Variants in FAM240A observed in about 807,000 individuals in gnomAD.
FAM240A encodes the protein family with sequence similarity 240 member A, also known as protein FAM240A.
Under a neutral mutation model 7.3 loss-of-function variants are expected in FAM240A, and 8 were observed. That is an observed-to-expected ratio of 1.09 (90% CI 0.64 to 1.97). The LOEUF is 1.97. Ranked by LOEUF, FAM240A falls within the 30% of genes most tolerant of loss-of-function variation. The probability of loss-of-function intolerance (pLI) is 0.00; values close to 1 mark genes in which losing one functional copy is unlikely to be tolerated. For missense variants in FAM240A, 90 were observed against 102.2 expected (o/e 0.88, Z 0.52); for synonymous variants, 32 against 35.9 (o/e 0.89, Z 0.38).
At chr3:46,616,542 C>T (rs1040344809) in intron 1 of FAM240A, among the ~76,000 whole-genome samples, 6 of 152,050 alleles carry the variant, frequency 3.9e-5, no homozygotes, top group Non-Finnish European at 8.8e-5. Context: ...TTTATAAACC[C>T]GTGGCTTAGC....
chr3:46,616,055 A>T (rs559121174), intron 1 of FAM240A, among the ~76,000 whole-genome samples: 1 of 152,244 alleles, frequency 6.6e-6, no homozygotes, highest in Non-Finnish European at 1.5e-5. Flanking sequence ...ACTTAGGTGC[A>T]CAAAATTCCT....
intron 2 of FAM240A, among the ~76,000 whole-genome samples, chr3:46,618,865 A>ATG (rs1185323755): frequency 1.4e-4 from 11 of 75,960 alleles, no homozygotes; most frequent in Non-Finnish European, 2.9e-4. Flanking sequence ...ATATATATAT[A>ATG]TGTATATATA....
At position 46,626,432 on chromosome 3, in the gene FAM240A, A is replaced by G. The variant is rs1341733228; in HGVS notation, c.*1214A>G. ...GCTAGGTGGAGGGTGCTAAGTGAAA[A>G]TGCTATATAAACTGCATGCTTTTTA... is the stretch of plus-strand genomic sequence containing the variant. On this transcript the variant is annotated 3_prime_UTR_variant, in exon 3 of 3. Coordinates refer to ENST00000640551, the MANE Select transcript of FAM240A (RefSeq NM_001195442.2). The G allele has an allele frequency of 1.3e-5, 2 of 152,308 alleles. No homozygotes were observed. The highest frequency in any genetic ancestry group is 3.9e-4 in the East Asian group (2 of 5,180). 9.4% of individuals were successfully genotyped at this position (152,308 alleles called of 1,614,324 possible).
chr3:46,617,316 G>A lies in FAM240A; in HGVS notation c.149G>A (p.Ser50Asn), dbSNP rs768403793. The A allele has an allele frequency of 6.5e-7, 1 of 1,528,910 alleles. No individual in the cohort carries two copies. The allele number at this position is 1,528,910 out of a possible 1,614,324, so 94.7% of individuals were successfully genotyped here. The part of the protein sequence containing the change: ...RESEERRLGR[S>N]ALRKLREEWK... ...TCAGAGGAACGTCGTCTGGGAAGAA[G>A]CGCACTGAGAAAGTATGTGGCTTGT... is the stretch of plus-strand genomic sequence containing the variant. Residue 50 changes from serine to asparagine, a missense_variant, in exon 2 of 3, where the codon AGC becomes AAC. Physicochemically the swap from Ser to Asn is conservative, Grantham distance 46. Transcript: ENST00000640551.
At chr3:46,617,119 T>G (rs1285814506) in intron 1 of FAM240A, 64 bp from the exon 2 acceptor site, 2 of 1,042,342 alleles carry the variant, frequency 1.9e-6, no homozygotes, top group Non-Finnish European at 2.7e-6. Flanking sequence ...TCCCTGATGA[T>G]GAGTGATGTT....
At chr3:46,616,605 T>C (rs1467853422) in intron 1 of FAM240A, among the ~76,000 whole-genome samples, 1 of 152,040 alleles carries the variant, frequency 6.6e-6, no homozygotes. Context: ...CCAGAGTTAC[T>C]TCATTAGGAT....
At position 46,612,673 on chromosome 3, in the gene FAM240A, C is replaced by T. The variant is rs1330930374; in HGVS notation, c.-11C>T. The T allele has an allele frequency of 2.0e-6, 3 of 1,535,524 alleles. No individual in the cohort carries two copies. Among genetic ancestry groups the T allele is most frequent in the Non-Finnish European group, 1.7e-6 (2 of 1,146,316 alleles). Reference sequence around the variant, plus strand: ...TTTGGTTCGACTGAATCGATGTCTTCACATCCCTTCATGCGGTTGTTCTCT... The same window carrying T: ...TTTGGTTCGACTGAATCGATGTCTTTACATCCCTTCATGCGGTTGTTCTCT... On this transcript the variant is annotated 5_prime_UTR_variant, in exon 1 of 3. Transcript: ENST00000640551.
intron 2 of FAM240A, among the ~76,000 whole-genome samples, chr3:46,618,532 G>C (rs1274569553): frequency 3.3e-5 from 5 of 152,170 alleles, no homozygotes; most frequent in Admixed American, 3.3e-4. Flanking sequence ...TGTGCAGGCT[G>C]TTAAAACATT....
rs981619122 is a variant in FAM240A at position 46,617,294 on chromosome 3, G to C, written c.127G>C (p.Glu43Gln). 1.2e-5 allele frequency: 19 copies of C among 1,534,776 alleles called. 1 individual carries two copies. In the Admixed American group the frequency reaches 1.4e-4, roughly 11 times the overall value. The change falls in exon 2 of 3, where the codon GAG becomes CAG. Residue 43 changes from glutamate to glutamine, a missense_variant. Glu to Gln is a conservative substitution (Grantham distance 29). Transcript: ENST00000640551. ...CAAACAGACTTACTACCGAGAATCAGAGGAACGTCGTCTGGGAAGAAGCGC... is the reference window on the plus strand; with the variant it reads ...CAAACAGACTTACTACCGAGAATCACAGGAACGTCGTCTGGGAAGAAGCGC... ...IGKQTYYRES[E>Q]ERRLGRSALR...
Position 46,617,825 on chromosome 3 carries a change from G to A in FAM240A, c.161+497G>A, listed in dbSNP as rs117910151. Among the ~76,000 whole-genome samples the A allele has an allele frequency of 2.3e-4, 35 of 152,314 alleles. No individual in the cohort carries two copies. The East Asian group carries it at 5.6e-3, about 24-fold the overall frequency. On this transcript the variant is annotated intron_variant, in intron 2 of 2. Coordinates refer to ENST00000640551, the MANE Select transcript of FAM240A (RefSeq NM_001195442.2). ...TAGGTGAAAACACAAGATGGCCTGC[G>A]TGGTTCCTGGAGGGGAAGGCGGGGT... is the stretch of plus-strand genomic sequence containing the variant.
intron 2 of FAM240A, among the ~76,000 whole-genome samples, chr3:46,624,264 A>ATTTTTTTTTTTTTTTTT (rs59290700): frequency 1.0e-5 from 1 of 96,494 alleles, no homozygotes; most frequent in African/African-American, 4.4e-5. Context: ...ACGGTGGGCT[A>ATTTTTTTTTTTTTTTTT]TTTTTTTTTT....
At chr3:46,619,994 C>T (rs1326282554) in intron 2 of FAM240A, among the ~76,000 whole-genome samples, 2 of 152,232 alleles carry the variant, frequency 1.3e-5, no homozygotes, top group African/African-American at 2.4e-5. Flanking sequence ...AAGAAAACCA[C>T]GGAACTGGCT....
intron 2 of FAM240A, among the ~76,000 whole-genome samples, chr3:46,621,654 G>A (rs6785033): frequency 0.024 from 3,613 of 152,064 alleles, 144 homozygotes; most frequent in African/African-American, 0.082. Context: ...CAGCTACTGC[G>A]GGGGAAAGGG....
chr3:46,619,266 A>G (rs536671226), intron 2 of FAM240A, among the ~76,000 whole-genome samples: 1 of 152,352 alleles, frequency 6.6e-6, no homozygotes, highest in South Asian at 2.1e-4. Context: ...AGTGGTGAAC[A>G]GCAGAGACTT....
intron 2 of FAM240A, among the ~76,000 whole-genome samples, chr3:46,618,328 C>T (rs1033680650): frequency 2.0e-5 from 3 of 152,210 alleles, no homozygotes; most frequent in African/African-American, 7.2e-5. Context: ...CTTGGGTGGC[C>T]AGTCATTTCT....
chr3:46,622,859 T>C (rs555325041), intron 2 of FAM240A, among the ~76,000 whole-genome samples: 1 of 152,334 alleles, frequency 6.6e-6, no homozygotes, highest in African/African-American at 2.4e-5. Flanking sequence ...ATCTGCATTT[T>C]CATATGAATT....
intron 2 of FAM240A, among the ~76,000 whole-genome samples, chr3:46,621,374 C>A (rs1356407591): frequency 2.0e-5 from 3 of 152,136 alleles, no homozygotes; most frequent in African/African-American, 7.2e-5. Context: ...TATAGCCAAA[C>A]CAACCTTGTT....
At chr3:46,617,447 C>T (rs1321940174) in intron 2 of FAM240A, 119 bp downstream of exon 2, 5 of 832,844 alleles carry the variant, frequency 6.0e-6, no homozygotes, top group African/African-American at 3.4e-5. Flanking sequence ...GTTCCCTGAG[C>T]CCCCACGCAA....
chr3:46,625,322 A>C lies in FAM240A; in HGVS notation c.*104A>C. ...CCCTTTGCTATACCAATCAGCTCTC[A>C]CACTATTGTTTCCCCACCTGGGAGA... On this transcript the variant is annotated 3_prime_UTR_variant, in exon 3 of 3. Coordinates refer to ENST00000640551, the MANE Select transcript of FAM240A (RefSeq NM_001195442.2). 2.7e-6 allele frequency: 2 copies of C among 754,710 alleles called. No individual in the cohort carries two copies. Among genetic ancestry groups the C allele is most frequent in the Non-Finnish European group, 4.2e-6 (2 of 474,848 alleles). The allele number at this position is 754,710 out of a possible 1,614,324, so 46.8% of individuals were successfully genotyped here. A position where few individuals can be genotyped will look rare whatever the true frequency, so the allele number is the denominator to read the frequency against.
Sources: allele counts gnomAD v4.1 joint callset (sites outside exome capture counted in the v4.1 genomes callset), GRCh38; gene constraint gnomAD v4.1.1; transcripts MANE v1.5; gene names NCBI Gene and HGNC (gene_info 2026-07-23, HGNC 2026-07-21).